Variants in NNT observed in about 807,000 individuals in gnomAD.
NNT encodes nicotinamide nucleotide transhydrogenase.
In NNT, 50 loss-of-function variants were observed where a neutral mutation model predicts 104.8. That is an observed-to-expected ratio of 0.48 (90% CI 0.38 to 0.60). The LOEUF is 0.60. Ranked by LOEUF, NNT falls within the 20% of genes least tolerant of loss-of-function variation. The pLI, the probability that NNT is intolerant of heterozygous loss-of-function variation, is 0.00. For synonymous variants in NNT, 461 were observed against 490.4 expected (o/e 0.94, Z 0.79); for missense variants, 1,131 against 1,330.7 (o/e 0.85, Z 2.33).
intron 17 of NNT, among the ~76,000 whole-genome samples, chr5:43,667,636 A>G (rs1184727228): frequency 6.6e-6 from 1 of 152,148 alleles, no homozygotes; most frequent in Non-Finnish European, 1.5e-5. Context: ...CATGGTGTAT[A>G]TGTGCCACAT....
At position 43,619,636 on chromosome 5, in the gene NNT, G is replaced by A. The variant is rs532143399; in HGVS notation, c.687+517G>A. On this transcript the variant is annotated intron_variant, in intron 5 of 21. Coordinates refer to ENST00000344920, the MANE Select transcript of NNT (RefSeq NM_182977.3). ...AGAGAGGAGCAGTTAACGATGAGAGGTGACGATGGCTTGCTGAAAGAATAG... is the reference window on the plus strand; with the variant it reads ...AGAGAGGAGCAGTTAACGATGAGAGATGACGATGGCTTGCTGAAAGAATAG... Among the ~76,000 whole-genome samples, 8 of 152,272 alleles carry A rather than the reference G, an allele frequency of 5.3e-5. No homozygotes were observed. The East Asian group carries it at 1.5e-3, about 29-fold the overall frequency.
intron 7 of NNT, among the ~76,000 whole-genome samples, chr5:43,642,361 G>A (rs1751282979): frequency 1.3e-5 from 2 of 152,162 alleles, no homozygotes; most frequent in Non-Finnish European, 1.5e-5. Flanking sequence ...TCCTCAGATG[G>A]ATGTGGTTTG....
chr5:43,652,205 T>A (rs1739804370), intron 13 of NNT, among the ~76,000 whole-genome samples: 2 of 152,354 alleles, frequency 1.3e-5, no homozygotes, highest in South Asian at 2.1e-4. Context: ...TGCGGTGGAT[T>A]TATAATGAAA....
At chr5:43,635,480 A>T (rs1003531476) in intron 7 of NNT, among the ~76,000 whole-genome samples, 1 of 152,200 alleles carries the variant, frequency 6.6e-6, no homozygotes, top group Admixed American at 6.6e-5. Context: ...ACTGTGAAGG[A>T]AGCTGGGAAT....
chr5:43,651,098 G>A (rs1424296366), intron 12 of NNT, among the ~76,000 whole-genome samples: 1 of 152,130 alleles, frequency 6.6e-6, no homozygotes, highest in Non-Finnish European at 1.5e-5. Flanking sequence ...TTTTACAAAT[G>A]TAACAACCTA....
chr5:43,686,777 C>T (rs946698230), intron 19 of NNT, among the ~76,000 whole-genome samples: 4 of 152,086 alleles, frequency 2.6e-5, no homozygotes, highest in Non-Finnish European at 5.9e-5. Context: ...TGGCCTAAAG[C>T]ACTTTGTATG....
intron 14 of NNT, among the ~76,000 whole-genome samples, chr5:43,654,554 A>G (rs1739942477): frequency 6.6e-6 from 1 of 152,258 alleles, no homozygotes; most frequent in Non-Finnish European, 1.5e-5. Context: ...AAAAATATCA[A>G]ACAATGTTCC....
At chr5:43,614,160 A>G (rs1749653275) in intron 3 of NNT, among the ~76,000 whole-genome samples, 1 of 152,192 alleles carries the variant, frequency 6.6e-6, no homozygotes, top group African/African-American at 2.4e-5. Flanking sequence ...TCATCTTTTG[A>G]GATGTCTTGA....
At chr5:43,681,869 A>G (rs2112135335) in intron 19 of NNT, among the ~76,000 whole-genome samples, 1 of 152,384 alleles carries the variant, frequency 6.6e-6, no homozygotes, top group East Asian at 1.9e-4. Flanking sequence ...CTCTATTAAC[A>G]GATCAATCAA....
chr5:43,657,166 G>A (rs1008286643), intron 16 of NNT, among the ~76,000 whole-genome samples: 8 of 152,114 alleles, frequency 5.3e-5, no homozygotes, highest in African/African-American at 1.2e-4. Flanking sequence ...ATAGTGCTTC[G>A]GGGTTTATAC....
chr5:43,668,588 G>T (rs1740853644), intron 17 of NNT, among the ~76,000 whole-genome samples: 1 of 152,160 alleles, frequency 6.6e-6, no homozygotes, highest in Non-Finnish European at 1.5e-5. Flanking sequence ...TCAGATGGTT[G>T]TAGATGTGTG....
intron 5 of NNT, 46 bp downstream of exon 5, chr5:43,619,165 G>A: frequency 8.6e-7 from 1 of 1,166,070 alleles, no homozygotes; most frequent in South Asian, 1.7e-5. Context: ...ATTGATTAAA[G>A]GAAAGGGTAT....
At chr5:43,645,649 ATCTATCTCTCTC>A (rs775872677) in intron 10 of NNT, 139 bp downstream of exon 10, 176 of 141,006 alleles carry the variant, frequency 1.2e-3, no homozygotes, top group African/African-American at 5.6e-3. Context: ...ACATCTATCT[ATCTATCTCTCTC>A]TCTCTCTCTC....
chr5:43,642,873 C>CAGA (rs112477692), intron 7 of NNT, among the ~76,000 whole-genome samples: 6,543 of 152,234 alleles, frequency 0.043, 163 homozygotes, highest in East Asian at 0.12. Context: ...TGAAAGCTTT[C>CAGA]AGAAGAACTA....
chr5:43,688,097 C>T (rs6863699), intron 19 of NNT, among the ~76,000 whole-genome samples: 21,102 of 152,070 alleles, frequency 0.14, 2,088 homozygotes, highest in African/African-American at 0.27. Flanking sequence ...AGAATAGTGG[C>T]CTTCCAAAGT....
chr5:43,607,413 C>T (rs1412096799), intron 1 of NNT, among the ~76,000 whole-genome samples: 1 of 152,200 alleles, frequency 6.6e-6, no homozygotes, highest in African/African-American at 2.4e-5. Flanking sequence ...ACCCCCACCA[C>T]TGTCTGCAAG....
rs544473759 is a variant in NNT at position 43,647,071 on chromosome 5, T to G, written c.1444+1561T>G. On this transcript the variant is annotated intron_variant, in intron 10 of 21. Coordinates refer to ENST00000344920, the MANE Select transcript of NNT (RefSeq NM_182977.3). ...AAAACAAAAGCAAACTATAAAGAAT[T>G]AAGGACCAGCACCAGGCGCATAGAA... Among the ~76,000 whole-genome samples the G allele has an allele frequency of 3.3e-5, 5 of 152,250 alleles. No homozygotes were observed. In the South Asian group the frequency reaches 1.0e-3, roughly 32 times the overall value.
chr5:43,669,234 A>G (rs1561307442), intron 17 of NNT, among the ~76,000 whole-genome samples: 1 of 152,052 alleles, frequency 6.6e-6, no homozygotes, highest in Non-Finnish European at 1.5e-5. Flanking sequence ...AAACAGGGAC[A>G]ATTTGACTTC....
At chr5:43,619,956 G>T (rs1749984921) in intron 5 of NNT, among the ~76,000 whole-genome samples, 1 of 151,934 alleles carries the variant, frequency 6.6e-6, no homozygotes, top group Non-Finnish European at 1.5e-5. Context: ...GAAACTGAGG[G>T]AGCCAGGCTC....
Sources: allele counts gnomAD v4.1 joint callset (sites outside exome capture counted in the v4.1 genomes callset), GRCh38; gene constraint gnomAD v4.1.1; transcripts MANE v1.5; gene names NCBI Gene and HGNC (gene_info 2026-07-23, HGNC 2026-07-21).